ATXN2L: variants seen among roughly 807,000 people sequenced by gnomAD.
ATXN2L encodes ataxin-2-like protein.
In ATXN2L, 24 loss-of-function variants were observed where a neutral mutation model predicts 120.7. That is an observed-to-expected ratio of 0.20 (90% CI 0.14 to 0.28). ATXN2L has a LOEUF of 0.28. Among genes scored for constraint, ATXN2L ranks in the 10% least tolerant of loss-of-function variants. The probability of loss-of-function intolerance (pLI) is 1.00; values close to 1 mark genes in which losing one functional copy is unlikely to be tolerated. For missense variants in ATXN2L, 1,312 were observed against 1,432.3 expected (o/e 0.92, Z 1.36); for synonymous variants, 653 against 568.1 (o/e 1.15, Z -2.13).
chr16:28,833,215 A>G lies in ATXN2L; in HGVS notation c.1816A>G (p.Lys606Glu). Reference sequence around the variant, plus strand: ...CTCCAAGACAGAGTCCGTATCGGATAAGGAGGACAAACCACCCCTGGCACC... The same window carrying G: ...CTCCAAGACAGAGTCCGTATCGGATGAGGAGGACAAACCACCCCTGGCACC... The part of the protein sequence containing the change: ...VSSKTESVSD[K>E]EDKPPLAPSG... The change falls in exon 14 of 22, where the codon AAG becomes GAG. Residue 606 changes from lysine (K) to glutamate (E), a missense_variant. Coordinates refer to ENST00000336783, the MANE Select transcript of ATXN2L (RefSeq NM_007245.4). 1 of 1,614,190 alleles carries G rather than the reference A, an allele frequency of 6.2e-7. No individual in the cohort carries two copies. Among genetic ancestry groups the G allele is most frequent in the Non-Finnish European group, 8.5e-7 (1 of 1,180,042 alleles).
intron 10 of ATXN2L, 72 bp from the exon 11 acceptor site, chr16:28,832,133 T>C: frequency 1.3e-6 from 2 of 1,524,962 alleles, no homozygotes; most frequent in Non-Finnish European, 1.8e-6. Context: ...TTCTTGCTGT[T>C]TTGAGTAAGG....
chr16:28,834,572 C>T lies in ATXN2L; in HGVS notation c.2312C>T (p.Ala771Val), dbSNP rs200766578. Residue 771 changes from alanine (A) to valine (V), a missense_variant, in exon 18 of 22, where the codon GCC (alanine) becomes GTC (valine). Coordinates refer to ENST00000336783, the MANE Select transcript of ATXN2L (RefSeq NM_007245.4). ...TCAGCCCCGCCGATGATGCAGGCCG[C>T]CGCGGCTGCTGGCCCGCCTCTGGTG... ...PASAPPMMQA[A>V]AAAGPPLVAA... is the part of the protein sequence containing the mutation. The T allele has an allele frequency of 1.9e-6, 3 of 1,612,782 alleles. No individual in the cohort carries two copies. Among genetic ancestry groups the T allele is most frequent in the Non-Finnish European group, 2.5e-6 (3 of 1,179,838 alleles).
At chr16:28,834,462 C>G (rs772132856) in intron 17 of ATXN2L, 44 bp from the exon 18 acceptor site, 41 of 1,613,408 alleles carry the variant, frequency 2.5e-5, no homozygotes, top group Non-Finnish European at 3.5e-5. Flanking sequence ...CAAGGGCCTA[C>G]TGGCAGGTGG....
Position 28,837,108 on chromosome 16 carries a change from A to G in ATXN2L, c.*843A>G, listed in dbSNP as rs1330390241. 4 of 503,428 alleles carry G rather than the reference A, an allele frequency of 7.9e-6. No homozygotes were observed. Among genetic ancestry groups the G allele is most frequent in the Non-Finnish European group, 1.5e-5 (4 of 263,060 alleles). 31.2% of individuals were successfully genotyped at this position (503,428 alleles called of 1,614,324 possible). ...TTGGGCCCCCTGTTCTTTCTTTCCCATTAACTTGAGTGACCTGTGTGAGAG... is the reference window on the plus strand; with the variant it reads ...TTGGGCCCCCTGTTCTTTCTTTCCCGTTAACTTGAGTGACCTGTGTGAGAG... On this transcript the variant is annotated 3_prime_UTR_variant, in exon 22 of 22. Coordinates refer to ENST00000336783, the MANE Select transcript of ATXN2L (RefSeq NM_007245.4).
chr16:28,834,654 G>T lies in ATXN2L; in HGVS notation c.2394G>T (p.Gln798His). 6.2e-7 allele frequency: 1 copy of T among 1,613,912 alleles called. No individual in the cohort carries two copies. Among genetic ancestry groups the T allele is most frequent in the South Asian group, 1.1e-5 (1 of 91,074 alleles). The change falls in exon 18 of 22, where the codon CAG (glutamine) becomes CAT (histidine). Residue 798 changes from glutamine to histidine, a missense_variant. Transcript: ENST00000336783. ...IPYNPQQFPG[Q>H]PAMMQPMAHY... Reference sequence around the variant, plus strand: ...ACAACCCTCAGCAGTTCCCAGGCCAGCCAGCCATGATGCAGCCCATGGCCC... The same window carrying T: ...ACAACCCTCAGCAGTTCCCAGGCCATCCAGCCATGATGCAGCCCATGGCCC...
intron 13 of ATXN2L, 29 bp from the exon 14 acceptor site, chr16:28,833,030 A>G: frequency 1.2e-6 from 2 of 1,609,940 alleles, no homozygotes; most frequent in Non-Finnish European, 1.7e-6. Flanking sequence ...TCTGGGTCAG[A>G]CTGGACTGTG....
At chr16:28,832,780 G>A (rs1439517582) in intron 12 of ATXN2L, 37 bp from the exon 13 acceptor site, 1 of 1,602,128 alleles carries the variant, frequency 6.2e-7, no homozygotes, top group Admixed American at 1.7e-5. Flanking sequence ...GAGAAAGAAT[G>A]TTTTGTATTT....
intron 6 of ATXN2L, among the ~76,000 whole-genome samples, chr16:28,829,173 A>T (rs1044682642): frequency 3.4e-4 from 51 of 152,002 alleles, no homozygotes; most frequent in Non-Finnish European, 5.4e-4. Flanking sequence ...CGGCTGTTTC[A>T]TTATTTTTTT....
intron 1 of ATXN2L, chr16:28,824,285 G>T (rs552533919): frequency 8.5e-6 from 10 of 1,169,810 alleles, no homozygotes; most frequent in African/African-American, 1.6e-5. Context: ...AGTTTTTCCT[G>T]TGCGAGTGTG....
intron 18 of ATXN2L, 86 bp downstream of exon 18, chr16:28,834,779 G>C: frequency 6.9e-7 from 1 of 1,447,410 alleles, no homozygotes; most frequent in Non-Finnish European, 9.3e-7. Flanking sequence ...CTGGCTAGGG[G>C]TGGCAGGCAG....
At position 28,837,104 on chromosome 16, in the gene ATXN2L, T is replaced by C. The variant is rs1452586787; in HGVS notation, c.*839T>C. On this transcript the variant is annotated 3_prime_UTR_variant, in exon 22 of 22. Transcript: ENST00000336783. Reference sequence around the variant, plus strand: ...AGACTTGGGCCCCCTGTTCTTTCTTTCCCATTAACTTGAGTGACCTGTGTG... The same window carrying C: ...AGACTTGGGCCCCCTGTTCTTTCTTCCCCATTAACTTGAGTGACCTGTGTG... The C allele has an allele frequency of 2.0e-6, 1 of 508,532 alleles. No individual in the cohort carries two copies. The allele number at this position is 508,532 out of a possible 1,614,324, so 31.5% of individuals were successfully genotyped here.
Position 28,835,293 on chromosome 16 carries a change from C to T in ATXN2L, c.2579C>T (p.Ser860Phe). 6.2e-7 allele frequency: 1 copy of T among 1,613,886 alleles called. No homozygotes were observed. Among genetic ancestry groups the T allele is most frequent in the Non-Finnish European group, 8.5e-7 (1 of 1,179,982 alleles). ...PQALYATVHQ[S>F]YPHHATQLHA... ...CCTGCTGCAGCCACTGTTCACCAGT[C>T]CTACCCACACCATGCCACACAGCTC... The change falls in exon 20 of 22, where the codon TCC becomes TTC. Residue 860 changes from serine to phenylalanine, a missense_variant. Physicochemically the swap from Ser to Phe is radical, Grantham distance 155. Coordinates refer to ENST00000336783, the MANE Select transcript of ATXN2L (RefSeq NM_007245.4).
At position 28,823,367 on chromosome 16, in the gene ATXN2L, CG is replaced by C. The variant is rs1304440653; in HGVS notation, c.110del (p.Gly37AlafsTer101). On this transcript the variant is annotated frameshift_variant, in exon 1 of 22. Transcript: ENST00000336783. LOFTEE classifies it high-confidence loss of function. ...PPGGTSPPNG[G>X]LPGPLATSAA... is the part of the protein sequence containing the mutation. ...CCGGGGGCACCAGCCCTCCCAACGG[CG>C]GCCTCCCGGGGCCGCTGGCCACCTC... 7.4e-7 allele frequency: 1 copy of C among 1,351,734 alleles called. No individual in the cohort carries two copies. The highest frequency in any genetic ancestry group is 1.5e-5 in the African/African-American group (1 of 66,198). The allele number at this position is 1,351,734 out of a possible 1,614,324, so 83.7% of individuals were successfully genotyped here.
In ATXN2L at chr16:28,823,203, G is replaced by C; in HGVS notation, c.-57G>C. ...TCCCGCGCTCTCCAGCGGGGCCCCA[G>C]CCCCGGCCCCCTCTCTCCCTCCCTT... On this transcript the variant is annotated 5_prime_UTR_variant, in exon 1 of 22. Transcript: ENST00000336783. 1 of 1,185,162 alleles carries C rather than the reference G, an allele frequency of 8.4e-7. No individual in the cohort carries two copies. The highest frequency in any genetic ancestry group is 1.1e-6 in the Non-Finnish European group (1 of 928,652). 73.4% of individuals were successfully genotyped at this position (1,185,162 alleles called of 1,614,324 possible).
At position 28,835,730 on chromosome 16, in the gene ATXN2L, G is replaced by A. The variant is rs866137830; in HGVS notation, c.2867G>A (p.Gly956Asp). 6.2e-7 allele frequency: 1 copy of A among 1,614,060 alleles called. No individual in the cohort carries two copies. The highest frequency in any genetic ancestry group is 8.5e-7 in the Non-Finnish European group (1 of 1,179,990). ...ATCCACCACCAGCAGCTGCCCCACGGCTTCACCAACATGGCCCATGTTACC... is the reference window on the plus strand; with the variant it reads ...ATCCACCACCAGCAGCTGCCCCACGACTTCACCAACATGGCCCATGTTACC... ...YAIHHQQLPHGFTNMAHVTQA... is the reference protein window; with the variant it reads ...YAIHHQQLPHDFTNMAHVTQA... The change falls in exon 21 of 22, where the codon GGC becomes GAC. Residue 956 changes from glycine to aspartate, a missense_variant. Transcript: ENST00000336783.
At chr16:28,829,173 A>G (rs1044682642) in intron 6 of ATXN2L, among the ~76,000 whole-genome samples, 4 of 152,002 alleles carry the variant, frequency 2.6e-5, no homozygotes, top group Admixed American at 6.6e-5. Context: ...CGGCTGTTTC[A>G]TTATTTTTTT....
At chr16:28,830,571 G>A (rs763829789) in intron 8 of ATXN2L, 44 bp from the exon 9 acceptor site, 14 of 1,505,672 alleles carry the variant, frequency 9.3e-6, no homozygotes, top group African/African-American at 2.8e-5. Context: ...TTTCCAAAAC[G>A]TGGGTTTTGT....
chr16:28,827,071 A>G (rs1476692141), intron 6 of ATXN2L, 85 bp downstream of exon 6: 1 of 1,285,632 alleles, frequency 7.8e-7, no homozygotes, highest in East Asian at 2.7e-5. Context: ...GGGGAGGGAA[A>G]TATTTACTGT....
chr16:28,828,478 C>T (rs1275334850), intron 6 of ATXN2L, among the ~76,000 whole-genome samples: 1 of 151,604 alleles, frequency 6.6e-6, no homozygotes, highest in African/African-American at 2.4e-5. Flanking sequence ...CCCAGCTACT[C>T]GTGAGGTTGA....
Sources: gnomAD v4.1 joint callset for allele counts (sites outside exome capture counted in the v4.1 genomes callset) on GRCh38, gnomAD v4.1.1 for gene constraint, MANE v1.5 for transcripts, NCBI Gene and HGNC (gene_info 2026-07-23, HGNC 2026-07-21) for gene names.